Variants in CMIP observed in about 807,000 individuals in gnomAD.
CMIP encodes the protein C-Maf-inducing protein.
CMIP carries 13 observed loss-of-function variants against 97.3 expected under a neutral mutation model. The ratio of observed to expected loss-of-function variants is 0.13; its 90% CI spans 0.09 to 0.21. CMIP has a LOEUF of 0.21. CMIP is among the 10% of genes least tolerant of loss of function. The probability of loss-of-function intolerance (pLI) is 1.00; values close to 1 mark genes in which losing one functional copy is unlikely to be tolerated. For synonymous variants in CMIP, 538 were observed against 436.3 expected (o/e 1.23, Z -2.91); for missense variants, 847 against 1,024.9 (o/e 0.83, Z 2.37).
intron 1 of CMIP, among the ~76,000 whole-genome samples, chr16:81,575,984 G>C (rs180777498): frequency 1.3e-5 from 2 of 152,154 alleles, no homozygotes; most frequent in Non-Finnish European, 2.9e-5. Flanking sequence ...GCCTGGTTGC[G>C]CTAAGCAGTC....
At chr16:81,494,670 A>C (rs2089459095) in intron 1 of CMIP, among the ~76,000 whole-genome samples, 1 of 151,760 alleles carries the variant, frequency 6.6e-6, no homozygotes, top group Non-Finnish European at 1.5e-5. Context: ...GTCACACAGC[A>C]GGACATGGTA....
At chr16:81,538,083 C>G (rs2090380298) in intron 1 of CMIP, among the ~76,000 whole-genome samples, 1 of 152,254 alleles carries the variant, frequency 6.6e-6, no homozygotes, top group Non-Finnish European at 1.5e-5. Flanking sequence ...TCGTTGCATC[C>G]CCCTGTAACC....
chr16:81,638,381 C>A (rs1046663966), intron 3 of CMIP, among the ~76,000 whole-genome samples: 1 of 152,172 alleles, frequency 6.6e-6, no homozygotes, highest in South Asian at 2.1e-4. Context: ...AGCCCTCCCC[C>A]CAGAGCATCT....
intron 4 of CMIP, among the ~76,000 whole-genome samples, chr16:81,654,075 C>T (rs1370438865): frequency 6.6e-6 from 1 of 152,212 alleles, no homozygotes; most frequent in African/African-American, 2.4e-5. Context: ...ACTTCAGCGC[C>T]ACCAGGCTCA....
intron 3 of CMIP, among the ~76,000 whole-genome samples, chr16:81,640,768 G>GTGTGTGTGTGTGTGTT (rs1555542710): frequency 1.5e-5 from 2 of 135,218 alleles, no homozygotes; most frequent in Middle Eastern, 3.5e-3. Context: ...GTGTGTGTGT[G>GTGTGTGTGTGTGTGTT]TGTCTCTCTC....
Position 81,678,385 on chromosome 16 carries a change from C to G in CMIP, c.1145C>G (p.Ser382Cys). ...CTGCACCCCAGCCCGGACCTGGTGT[C>G]TCAGGAAGCCACGCTGTCTGAGGCC... Reference protein sequence around the residue: ...RLLHPSPDLVSQEATLSEARL... With the variant: ...RLLHPSPDLVCQEATLSEARL... The change falls in exon 10 of 21, where the codon TCT (serine) becomes TGT (cysteine). Residue 382 changes from serine to cysteine, a missense_variant. Around this residue, in one of 4 missense-constraint regions of CMIP, gnomAD observed 202 missense variants for 168.7 expected, o/e 1.20. Transcript: ENST00000537098. The G allele has an allele frequency of 1.9e-6, 3 of 1,610,890 alleles. No individual in the cohort carries two copies. Among genetic ancestry groups the G allele is most frequent in the Non-Finnish European group, 1.7e-6 (2 of 1,178,722 alleles).
chr16:81,486,724 C>G (rs769931248), intron 1 of CMIP, among the ~76,000 whole-genome samples: 9 of 152,266 alleles, frequency 5.9e-5, no homozygotes. Flanking sequence ...ACTCCCTAAG[C>G]GAATCCAGCT....
intron 14 of CMIP, 97 bp from the exon 15 acceptor site, chr16:81,699,588 G>A (rs1405020717): frequency 2.7e-6 from 2 of 740,446 alleles, no homozygotes; most frequent in South Asian, 1.6e-5. Flanking sequence ...CGTGTAGGCA[G>A]GTCTGTTCAA....
rs1597183616 is a variant in CMIP, at chr16:81,641,810, A to G, written c.478-10393A>G. 3.3e-5 allele frequency among the ~76,000 whole-genome samples: 5 copies of G among 152,224 alleles called. No homozygotes were observed. The East Asian group carries it at 9.6e-4, about 29-fold the overall frequency. On this transcript the variant is annotated intron_variant, in intron 3 of 20. Transcript: ENST00000537098. ...TGGGAAACCGAGGAGGCGAGGCTCAACTCTCCGATTTGAAGGCAGCAGAAT... is the reference window on the plus strand; with the variant it reads ...TGGGAAACCGAGGAGGCGAGGCTCAGCTCTCCGATTTGAAGGCAGCAGAAT...
At chr16:81,624,478 G>T (rs13339510) in intron 3 of CMIP, among the ~76,000 whole-genome samples, 3,636 of 145,166 alleles carry the variant, frequency 0.025, 149 homozygotes, top group African/African-American at 0.09. Context: ...GAAAGTGCGA[G>T]ACTCCGTCTC....
At chr16:81,669,011 A>C (rs1317741616) in intron 7 of CMIP, among the ~76,000 whole-genome samples, 12 of 63,310 alleles carry the variant, frequency 1.9e-4, no homozygotes, top group South Asian at 5.2e-4. Context: ...TTCCACACCC[A>C]CCTCACACTC....
chr16:81,586,792 A>G (rs745729013), intron 1 of CMIP, among the ~76,000 whole-genome samples: 2 of 152,140 alleles, frequency 1.3e-5, no homozygotes, highest in Non-Finnish European at 2.9e-5. Flanking sequence ...CTCCCCACTC[A>G]ACTGTGGAGT....
At chr16:81,647,100 C>T (rs2092372163) in intron 3 of CMIP, among the ~76,000 whole-genome samples, 1 of 152,256 alleles carries the variant, frequency 6.6e-6, no homozygotes, top group African/African-American at 2.4e-5. Flanking sequence ...AGTTTCTCCA[C>T]ACCTTTGCCA....
chr16:81,597,249 G>A (rs963839106), intron 1 of CMIP, among the ~76,000 whole-genome samples: 2 of 152,116 alleles, frequency 1.3e-5, no homozygotes, highest in Non-Finnish European at 2.9e-5. Context: ...AGCAATTTAG[G>A]ATTCTGTTTG....
chr16:81,651,919 A>G (rs1359307185), intron 3 of CMIP, among the ~76,000 whole-genome samples: 1 of 152,140 alleles, frequency 6.6e-6, no homozygotes, highest in African/African-American at 2.4e-5. Flanking sequence ...AAAAAACAGG[A>G]AAAAAGAAAA....
intron 1 of CMIP, among the ~76,000 whole-genome samples, chr16:81,593,563 C>T (rs550229934): frequency 2.6e-5 from 4 of 152,222 alleles, no homozygotes; most frequent in African/African-American, 9.6e-5. Context: ...CGGAGTAATC[C>T]GTGGATGATG....
chr16:81,688,233 C>T (rs576445103), intron 10 of CMIP, among the ~76,000 whole-genome samples: 1 of 149,846 alleles, frequency 6.7e-6, no homozygotes, highest in Non-Finnish European at 1.5e-5. Context: ...TAACTGACCT[C>T]TCCCGCTGTC....
At chr16:81,626,784 A>AGG (rs1486939236) in intron 3 of CMIP, among the ~76,000 whole-genome samples, 1 of 57,896 alleles carries the variant, frequency 1.7e-5, no homozygotes, top group Non-Finnish European at 3.3e-5. Flanking sequence ...ACAGAGAGAG[A>AGG]GAGAGTGTGT....
chr16:81,652,475 G>A lies in CMIP; in HGVS notation c.639+111G>A. 1 of 966,974 alleles carries A rather than the reference G, an allele frequency of 1.0e-6. No individual in the cohort carries two copies. The highest frequency in any genetic ancestry group is 2.5e-5 in the Admixed American group (1 of 39,640). The allele number at this position is 966,974 out of a possible 1,614,324, so 59.9% of individuals were successfully genotyped here. A position where few individuals can be genotyped will look rare whatever the true frequency, so the allele number is the denominator to read the frequency against. On this transcript the variant is annotated intron_variant, in intron 4 of 20. Transcript: ENST00000537098. The surrounding 1 kb of genome is among the most constrained non-coding windows in gnomAD (Gnocchi z 5.2). ...AGAGCTCCGTGTGGGCTGTGTTGTT[G>A]CCCTGCTGCCGAAGGAGGTGAGCAG...
Sources: allele counts gnomAD v4.1 joint callset (sites outside exome capture counted in the v4.1 genomes callset), GRCh38; gene constraint gnomAD v4.1.1; regional missense constraint gnomAD v4.1.1; non-coding constraint Gnocchi (gnomAD v3.1); transcripts MANE v1.5; gene names NCBI Gene and HGNC (gene_info 2026-07-23, HGNC 2026-07-21).